The following SLC25A48 variants were observed in gnomAD, a reference collection of about 807,000 sequenced individuals.
SLC25A48 encodes solute carrier family 25 member 48.
In SLC25A48, 29 loss-of-function variants were observed where a neutral mutation model predicts 32.2. The observed-to-expected ratio is 0.90, with a 90% CI of 0.67 to 1.23. The LOEUF is 1.23. Ranked by LOEUF, SLC25A48 falls within the 50% of genes most tolerant of loss-of-function variation. The pLI is 0.00. For missense variants in SLC25A48, 399 were observed against 422.7 expected (o/e 0.94, Z 0.49); for synonymous variants, 164 against 172.3 (o/e 0.95, Z 0.38).
intron 1 of SLC25A48, among the ~76,000 whole-genome samples, chr5:135,588,127 G>A (rs989630512): frequency 2.6e-5 from 4 of 152,348 alleles, no homozygotes; most frequent in South Asian, 4.1e-4. Flanking sequence ...GGCAGAGGCC[G>A]GAGAATTAAT....
At chr5:135,700,199 C>T (rs1213886449) in intron 3 of SLC25A48, among the ~76,000 whole-genome samples, 2 of 151,490 alleles carry the variant, frequency 1.3e-5, no homozygotes, top group Non-Finnish European at 2.9e-5. Context: ...TAGCAAAACC[C>T]CATCTCTACT....
chr5:135,868,677 TACACACACACACAC>T (rs34148471), intron 4 of SLC25A48, among the ~76,000 whole-genome samples: 3 of 149,030 alleles, frequency 2.0e-5, no homozygotes, highest in African/African-American at 7.4e-5. Flanking sequence ...CACACACACA[TACACACACACACAC>T]ACACACACAC....
intron 3 of SLC25A48, among the ~76,000 whole-genome samples, chr5:135,743,415 T>C (rs1211959886): frequency 1.3e-5 from 2 of 152,008 alleles, no homozygotes; most frequent in Non-Finnish European, 2.9e-5. Context: ...TGCTGGCATC[T>C]GATGGGTAGA....
At chr5:135,611,420 C>A (rs950429682) in intron 1 of SLC25A48, among the ~76,000 whole-genome samples, 1 of 126,916 alleles carries the variant, frequency 7.9e-6, no homozygotes, top group Non-Finnish European at 1.6e-5. Flanking sequence ...GAGGCTGAGG[C>A]GGGAGAATGG....
intron 3 of SLC25A48, among the ~76,000 whole-genome samples, chr5:135,705,338 G>A (rs573067391): frequency 3.3e-4 from 51 of 152,326 alleles, no homozygotes; most frequent in African/African-American, 1.1e-3. Flanking sequence ...CTGCCACCTC[G>A]TCATGTGAGG....
intron 1 of SLC25A48, among the ~76,000 whole-genome samples, chr5:135,608,902 G>T (rs761331326): frequency 9.2e-5 from 14 of 152,182 alleles, no homozygotes; most frequent in Non-Finnish European, 1.5e-4. Context: ...CATGACTTTA[G>T]ATCTTAATTG....
intron 3 of SLC25A48, among the ~76,000 whole-genome samples, chr5:135,748,027 C>T (rs992688006): frequency 6.6e-5 from 10 of 151,284 alleles, no homozygotes; most frequent in African/African-American, 2.4e-4. Context: ...ACTGACCTGC[C>T]CCCTGCCATC....
intron 3 of SLC25A48, among the ~76,000 whole-genome samples, chr5:135,689,757 C>CAAGAATGTAG (rs1754101692): frequency 6.6e-6 from 1 of 152,122 alleles, no homozygotes; most frequent in African/African-American, 2.4e-5. Context: ...AAGACATTTC[C>CAAGAATGTAG]CGAAAATAGC....
At chr5:135,859,363 C>A (rs1461951922) in intron 4 of SLC25A48, among the ~76,000 whole-genome samples, 1 of 152,132 alleles carries the variant, frequency 6.6e-6, no homozygotes, top group Non-Finnish European at 1.5e-5. Flanking sequence ...TACTCACTAT[C>A]ATGAGAACAG....
At chr5:135,615,905 T>G (rs1407893412) in intron 1 of SLC25A48, among the ~76,000 whole-genome samples, 1 of 152,232 alleles carries the variant, frequency 6.6e-6, no homozygotes, top group Admixed American at 6.5e-5. Flanking sequence ...CTTGGGGCAC[T>G]GCTGCCTGCA....
At chr5:135,724,189 G>A (rs548221351) in intron 3 of SLC25A48, among the ~76,000 whole-genome samples, 3 of 152,110 alleles carry the variant, frequency 2.0e-5, no homozygotes, top group East Asian at 1.9e-4. Context: ...TTTATTGAGC[G>A]TTTTCCCTGT....
chr5:135,653,725 C>T (rs1476459520), intron 3 of SLC25A48: 1 of 441,910 alleles, frequency 2.3e-6, no homozygotes, highest in East Asian at 7.0e-5. Flanking sequence ...CATAAGCTTC[C>T]TTTGGAAGAT....
intron 3 of SLC25A48, among the ~76,000 whole-genome samples, chr5:135,770,352 A>G (rs541088659): frequency 2.7e-5 from 4 of 150,916 alleles, no homozygotes; most frequent in Non-Finnish European, 5.9e-5. Context: ...TCGCAGAGGT[A>G]GTACATTCCC....
intron 3 of SLC25A48, 25 bp from the exon 4 acceptor site, chr5:135,852,538 C>T: frequency 6.3e-7 from 1 of 1,576,664 alleles, no homozygotes; most frequent in Non-Finnish European, 8.7e-7. Flanking sequence ...GTCCTCACGC[C>T]TCTTCCTTCT....
At chr5:135,587,713 A>G (rs1321052648) in intron 1 of SLC25A48, among the ~76,000 whole-genome samples, 1 of 152,196 alleles carries the variant, frequency 6.6e-6, no homozygotes, top group African/African-American at 2.4e-5. Context: ...TTTCTTAGCA[A>G]CTAGTCATTG....
At chr5:135,643,819 C>T (rs986845169) in intron 3 of SLC25A48, among the ~76,000 whole-genome samples, 7 of 152,194 alleles carry the variant, frequency 4.6e-5, no homozygotes, top group Non-Finnish European at 4.4e-5. Flanking sequence ...ACATTTTCAC[C>T]AGCATCATCA....
Position 135,886,637 on chromosome 5 carries a change from A to ATATATAT in SLC25A48, c.*8-1395_*8-1394insTATATAT, listed in dbSNP as rs55911526. Among the ~76,000 whole-genome samples, 161 of 38,526 alleles carry ATATATAT rather than the reference A, an allele frequency of 4.2e-3. 18 individuals are homozygous for ATATATAT. Among genetic ancestry groups the ATATATAT allele is most frequent in the Non-Finnish European group, 4.8e-3 (108 of 22,580 alleles). 25.3% of individuals were successfully genotyped at this position (38,526 alleles called of 152,430 possible). On this transcript the variant is annotated intron_variant, in intron 7 of 7. Transcript: ENST00000681962. ...TATATATATATATATATATATATAT[A>ATATATAT]AAATATATATATGTGTGTGTGTGTG...
rs542076251 is a variant in SLC25A48 at position 135,760,242 on chromosome 5, G to A, written c.-520-52281G>A. ...TATATTCCTGTTATAGTTACATAGT[G>A]CATATACGTGCATATATTCCTGTTC... On this transcript the variant is annotated intron_variant, in intron 3 of 10. Transcript: ENST00000646290. Among the ~76,000 whole-genome samples, 3 of 152,090 alleles carry A rather than the reference G, an allele frequency of 2.0e-5. No individual in the cohort carries two copies. In the South Asian group the frequency reaches 6.2e-4, roughly 31 times the overall value.
chr5:135,871,410 A>G (rs1336144928), intron 4 of SLC25A48, 51 bp from the exon 5 acceptor site: 1 of 1,539,598 alleles, frequency 6.5e-7, no homozygotes, highest in East Asian at 2.3e-5. Flanking sequence ...CGGAATGTCC[A>G]GTCTCTTACA....
Sources: allele counts gnomAD v4.1 joint callset (sites outside exome capture counted in the v4.1 genomes callset), GRCh38; gene constraint gnomAD v4.1.1; transcripts MANE v1.5; gene names NCBI Gene and HGNC (gene_info 2026-07-23, HGNC 2026-07-21).